ZNF540: variants seen among roughly 807,000 people sequenced by gnomAD.
ZNF540 encodes CTD-3064H18.6.
ZNF540 carries 3 observed loss-of-function variants against 11.8 expected under a neutral mutation model. The ratio of observed to expected loss-of-function variants is 0.25; its 90% CI spans 0.12 to 0.65. The LOEUF is 0.65. Ranked by LOEUF, ZNF540 falls within the 30% of genes least tolerant of loss-of-function variation. The pLI, the probability that ZNF540 is intolerant of heterozygous loss-of-function variation, is 0.83. For missense variants in ZNF540, 709 were observed against 793.1 expected (o/e 0.89, Z 1.27); for synonymous variants, 247 against 259.0 (o/e 0.95, Z 0.45).
chr19:37,580,330 A>G (rs2043409392), intron 1 of ZNF540, among the ~76,000 whole-genome samples: 1 of 152,250 alleles, frequency 6.6e-6, no homozygotes, highest in Admixed American at 6.5e-5. Flanking sequence ...TGCAGTCTTC[A>G]CCATCACAGG....
At chr19:37,586,760 G>A (rs8111055) in intron 1 of ZNF540, 1,224,063 of 1,493,344 alleles carry the variant, frequency 0.82, 503,581 homozygotes, top group African/African-American at 0.97. Flanking sequence ...ACAAGGAAAA[G>A]AAGCCACAAG....
intron 4 of ZNF540, among the ~76,000 whole-genome samples, chr19:37,603,250 A>G (rs1480025392): frequency 6.6e-6 from 1 of 151,946 alleles, no homozygotes; most frequent in African/African-American, 2.4e-5. Flanking sequence ...CAGATGATCC[A>G]CCCATCTTGG....
chr19:37,604,756 T>G (rs906032622), intron 4 of ZNF540, among the ~76,000 whole-genome samples: 1 of 152,214 alleles, frequency 6.6e-6, no homozygotes, highest in African/African-American at 2.4e-5. Context: ...ATGTCTATCA[T>G]GTCAAAACTT....
Position 37,555,851 on chromosome 19 carries a change from T to C in ZNF540, c.-73+4186T>C, listed in dbSNP as rs1192520688. 4 of 698,112 alleles carry C rather than the reference T, an allele frequency of 5.7e-6. No individual in the cohort carries two copies. The East Asian group carries it at 8.0e-5, about 14-fold the overall frequency. The allele number at this position is 698,112 out of a possible 1,614,324, so 43.2% of individuals were successfully genotyped here. A position where few individuals can be genotyped will look rare whatever the true frequency, so the allele number is the denominator to read the frequency against. On this transcript the variant is annotated intron_variant, in intron 1 of 4. Transcript: ENST00000592533. The stretch of plus-strand genomic sequence containing the variant: ...GACAGTTATAGTAAGAGGATTACAA[T>C]TTTTTCTAGTACATAATTTAGGACG...
chr19:37,599,308 A>C (rs1421735676), intron 2 of ZNF540, among the ~76,000 whole-genome samples: 4 of 152,150 alleles, frequency 2.6e-5, no homozygotes, highest in Non-Finnish European at 5.9e-5. Context: ...TTGAGGTAGA[A>C]ATATAGTTTA....
Position 37,578,362 on chromosome 19 carries a change from G to T in ZNF540, c.-72-20014G>T, listed in dbSNP as rs1198594210. Among the ~76,000 whole-genome samples, 3 of 152,128 alleles carry T rather than the reference G, an allele frequency of 2.0e-5. No homozygotes were observed. In the East Asian group the frequency reaches 5.8e-4, roughly 29 times the overall value. On this transcript the variant is annotated intron_variant, in intron 1 of 4. Transcript: ENST00000592533. ...TCCCTAACATGGTGAAACGGTGAGAGAGTGAGAGTCCCTGGGGAAGCCACA... is the reference window on the plus strand; with the variant it reads ...TCCCTAACATGGTGAAACGGTGAGATAGTGAGAGTCCCTGGGGAAGCCACA...
At chr19:37,565,410 A>T in intron 1 of ZNF540, 4 of 1,613,568 alleles carry the variant, frequency 2.5e-6, no homozygotes, top group Non-Finnish European at 3.4e-6. Flanking sequence ...GCTTTCCCAC[A>T]TTCTTTACAT....
At chr19:37,610,651 C>A (rs909150788) in intron 4 of ZNF540, among the ~76,000 whole-genome samples, 1 of 152,048 alleles carries the variant, frequency 6.6e-6, no homozygotes, top group Admixed American at 6.6e-5. Context: ...ATGACACAAT[C>A]GAGGAGCTGA....
intron 2 of ZNF540, among the ~76,000 whole-genome samples, chr19:37,598,970 C>G (rs1031610227): frequency 3.9e-5 from 6 of 152,194 alleles, no homozygotes; most frequent in Middle Eastern, 3.4e-3. Flanking sequence ...CAGTATGATT[C>G]TGGTTCATTA....
rs1170996575 is a variant in ZNF540 at position 37,613,345 on chromosome 19, GT to G, written c.*89del. On this transcript the variant is annotated 3_prime_UTR_variant, in exon 5 of 5. Coordinates refer to ENST00000316433, the MANE Select transcript of ZNF540 (RefSeq NM_001172225.3). ...CCAGAAGTTCTGTCAATGTGTTGAT[GT>G]TTTTTTACACATATTAACTTAATAA... The G allele has an allele frequency of 3.0e-6, 3 of 1,008,882 alleles. No individual in the cohort carries two copies. Among genetic ancestry groups the G allele is most frequent in the Non-Finnish European group, 4.1e-6 (3 of 732,424 alleles). The allele number at this position is 1,008,882 out of a possible 1,614,324, so 62.5% of individuals were successfully genotyped here.
At position 37,612,557 on chromosome 19, in the gene ZNF540, T is replaced by C. The variant is rs760853896; in HGVS notation, c.1277T>C (p.Leu426Pro). Reference sequence around the variant, plus strand: ...AAGGCTTTTAGTTATAGTGGTGACCTCAGAGTACATTCTAGAATTCATACT... The same window carrying C: ...AAGGCTTTTAGTTATAGTGGTGACCCCAGAGTACATTCTAGAATTCATACT... ...CEKAFSYSGD[L>P]RVHSRIHTGE... The change falls in exon 5 of 5, where the codon CTC becomes CCC. Residue 426 changes from leucine to proline, a missense_variant. Coordinates refer to ENST00000316433, the MANE Select transcript of ZNF540 (RefSeq NM_001172225.3). The C allele has an allele frequency of 1.2e-6, 2 of 1,614,082 alleles. No homozygotes were observed. The highest frequency in any genetic ancestry group is 1.7e-6 in the Non-Finnish European group (2 of 1,179,994).
At chr19:37,593,596 G>C (rs535356998), upstream of ZNF540, among the ~76,000 whole-genome samples, 5 of 152,200 alleles carry the variant, frequency 3.3e-5, no homozygotes, top group South Asian at 1.0e-3. Context: ...CCAGCTACTC[G>C]GGAGGCTTAG....
At chr19:37,592,140 C>T (rs1043183712), upstream of ZNF540, among the ~76,000 whole-genome samples, 2 of 151,962 alleles carry the variant, frequency 1.3e-5, no homozygotes, top group African/African-American at 4.8e-5. Flanking sequence ...TGCCTGTAAT[C>T]CCAGCTACTC....
At chr19:37,602,088 T>C (rs2044043703) in intron 4 of ZNF540, among the ~76,000 whole-genome samples, 1 of 152,062 alleles carries the variant, frequency 6.6e-6, no homozygotes, top group African/African-American at 2.4e-5. Flanking sequence ...GTAGCTTGGA[T>C]TGGGATGGTA....
chr19:37,592,266 G>C (rs1230000198), upstream of ZNF540, among the ~76,000 whole-genome samples: 1 of 152,030 alleles, frequency 6.6e-6, no homozygotes, highest in Admixed American at 6.6e-5. Context: ...AATAAAGAAT[G>C]GATCTTGGTA....
intron 1 of ZNF540, among the ~76,000 whole-genome samples, chr19:37,568,538 A>G (rs1185141994): frequency 6.6e-6 from 1 of 152,212 alleles, no homozygotes; most frequent in Non-Finnish European, 1.5e-5. Flanking sequence ...CCTATGTGCT[A>G]GTGCCCTAAT....
At position 37,599,334 on chromosome 19, in the gene ZNF540, T is replaced by C. The variant is rs112646033; in HGVS notation, c.10-292T>C. Among the ~76,000 whole-genome samples, 694 of 152,326 alleles carry C rather than the reference T, an allele frequency of 4.6e-3. 4 individuals carry two copies. The highest frequency in any genetic ancestry group is 0.016 in the African/African-American group (672 of 41,572). The stretch of plus-strand genomic sequence containing the variant: ...ATATAGTTTATTTGCTTGTATCCAC[T>C]GTTTAATTGAATTGGGAAACATTTA... On this transcript the variant is annotated intron_variant, in intron 2 of 4. Transcript: ENST00000316433.
intron 1 of ZNF540, among the ~76,000 whole-genome samples, chr19:37,589,526 C>T (rs2043801913): frequency 6.6e-6 from 1 of 151,944 alleles, no homozygotes; most frequent in African/African-American, 2.4e-5. Context: ...GTAAAATGCT[C>T]ATCATTTAAA....
upstream of ZNF540, among the ~76,000 whole-genome samples, chr19:37,593,708 GCAAA>G (rs376323723): frequency 1.5e-4 from 23 of 152,190 alleles, no homozygotes; most frequent in Non-Finnish European, 2.6e-4. Flanking sequence ...GTCTCAAAAA[GCAAA>G]CAAACAAACA....
Sources: gnomAD v4.1 joint callset for allele counts (sites outside exome capture counted in the v4.1 genomes callset) on GRCh38, gnomAD v4.1.1 for gene constraint, MANE v1.5 for transcripts, NCBI Gene and HGNC (gene_info 2026-07-23, HGNC 2026-07-21) for gene names.